LARGE1: variants seen among roughly 807,000 people sequenced by gnomAD.
The protein encoded by LARGE1 is xylosyl- and glucuronyltransferase LARGE1.
A neutral mutation model predicts 87.6 loss-of-function variants in LARGE1; 43 were observed. The ratio of observed to expected loss-of-function variants is 0.49; its 90% CI spans 0.38 to 0.63. The LOEUF is 0.63. Ranked by LOEUF, LARGE1 falls within the 30% of genes least tolerant of loss-of-function variation. The pLI is 0.00. For missense variants in LARGE1, 802 were observed against 1,000.2 expected (o/e 0.80, Z 2.67); for synonymous variants, 434 against 394.6 (o/e 1.10, Z -1.18).
intron 7 of LARGE1, among the ~76,000 whole-genome samples, chr22:33,387,533 G>GGC (rs1344497617): frequency 1.4e-5 from 2 of 148,070 alleles, no homozygotes; most frequent in African/African-American, 5.0e-5. Context: ...AATGGGGGGG[G>GGC]GGATGGTGGG....
chr22:33,353,620 T>C (rs1334591176), intron 9 of LARGE1, among the ~76,000 whole-genome samples: 2 of 152,198 alleles, frequency 1.3e-5, no homozygotes, highest in East Asian at 1.9e-4. Context: ...CGCTACGTGA[T>C]AGATTCTGTT....
chr22:33,688,758 A>G lies in LARGE1; in HGVS notation c.107-38090T>C, dbSNP rs533854363. ...CTTGGTCTCCTTTGCAAGTGGAGGG[A>G]TGGTCATAAAGCCTTCCTCCCTTGC... is the stretch of plus-strand genomic sequence containing the variant. On this transcript the variant is annotated intron_variant, in intron 2 of 14. Coordinates refer to ENST00000397394, the MANE Select transcript of LARGE1 (RefSeq NM_133642.5). Among the ~76,000 whole-genome samples, 5 of 152,112 alleles carry G rather than the reference A, an allele frequency of 3.3e-5. No homozygotes were observed. The East Asian group carries it at 9.7e-4, about 30-fold the overall frequency.
intron 3 of LARGE1, among the ~76,000 whole-genome samples, chr22:33,636,585 T>C (rs879439194): frequency 6.6e-6 from 1 of 152,170 alleles, no homozygotes; most frequent in African/African-American, 2.4e-5. Flanking sequence ...TGGAGTGCAG[T>C]GGCACAATCA....
At chr22:33,815,222 G>A (rs184184697) in intron 1 of LARGE1, among the ~76,000 whole-genome samples, 45 of 152,298 alleles carry the variant, frequency 3.0e-4, no homozygotes, top group African/African-American at 9.1e-4. Context: ...CAGGACAGTA[G>A]TGAGACCAAA....
chr22:33,260,512 G>A (rs1460229801), intron 11 of LARGE1, among the ~76,000 whole-genome samples: 2 of 152,096 alleles, frequency 1.3e-5, no homozygotes, highest in Middle Eastern at 3.2e-3. Context: ...TCACCTTCTC[G>A]ACCCATCTGG....
At chr22:33,806,475 A>G (rs2086312846) in intron 1 of LARGE1, among the ~76,000 whole-genome samples, 1 of 152,216 alleles carries the variant, frequency 6.6e-6, no homozygotes, top group African/African-American at 2.4e-5. Flanking sequence ...ACATAATCAC[A>G]TACATCAAGA....
intron 7 of LARGE1, among the ~76,000 whole-genome samples, chr22:33,423,537 G>A (rs1377379679): frequency 6.6e-6 from 1 of 151,764 alleles, no homozygotes; most frequent in Non-Finnish European, 1.5e-5. Flanking sequence ...TAAATTAGCT[G>A]GGCATGGTGG....
chr22:33,283,054 C>T lies in LARGE1; in HGVS notation c.1877+148G>A, dbSNP rs550728924. 77 of 969,176 alleles carry T rather than the reference C, an allele frequency of 7.9e-5. No homozygotes were observed. The East Asian group carries it at 1.2e-3, about 14-fold the overall frequency. 60.0% of individuals were successfully genotyped at this position (969,176 alleles called of 1,614,324 possible). ...GGGGAGAGGAGGGAGATTACAAGGA[C>T]GTTGTCTGGAGAAAGCGGTGCTTTC... On this transcript the variant is annotated intron_variant, in intron 13 of 14. Coordinates refer to ENST00000397394, the MANE Select transcript of LARGE1 (RefSeq NM_133642.5).
Position 33,277,129 on chromosome 22 carries a change from C to G in LARGE1, c.2004G>C (p.Pro668=), listed in dbSNP as rs368231947. The G allele has an allele frequency of 1.2e-6, 2 of 1,614,254 alleles. No individual in the cohort carries two copies. The highest frequency in any genetic ancestry group is 2.2e-5 in the East Asian group (1 of 44,882). ...AGCCTACAAACCTCCGGTCGTACTC[C>G]GGGCAGTCACGTCTCACAACAACAT... ...EPYVVVRRDC[P]EYDRRFVGFG... Residue 668 remains proline, a synonymous_variant, in exon 14 of 15, where the codon CCG becomes CCC. Transcript: ENST00000397394.
intron 1 of LARGE1, among the ~76,000 whole-genome samples, chr22:33,842,224 C>T (rs943051579): frequency 5.3e-5 from 8 of 152,136 alleles, no homozygotes; most frequent in African/African-American, 1.9e-4. Flanking sequence ...TTATTAAGTG[C>T]CTTCGACGCA....
At chr22:33,850,951 T>C (rs1239032567) in intron 1 of LARGE1, among the ~76,000 whole-genome samples, 1 of 152,220 alleles carries the variant, frequency 6.6e-6, no homozygotes, top group Non-Finnish European at 1.5e-5. Context: ...TGCTGAATGA[T>C]AATGACAAGG....
At chr22:33,178,225 C>T (rs1430375448) in intron 11 of LARGE1, among the ~76,000 whole-genome samples, 1 of 152,170 alleles carries the variant, frequency 6.6e-6, no homozygotes, top group Non-Finnish European at 1.5e-5. Flanking sequence ...TGAGCAGTGT[C>T]CATACACACA....
At chr22:33,254,370 G>C (rs150388036) in intron 11 of LARGE1, among the ~76,000 whole-genome samples, 232 of 152,330 alleles carry the variant, frequency 1.5e-3, no homozygotes, top group African/African-American at 5.3e-3. Context: ...TCTGACAATA[G>C]TAGGCCCATT....
At chr22:33,124,192 C>T in the LARGE1 span, among the ~76,000 whole-genome samples, 1 of 151,740 alleles carries the variant, frequency 6.6e-6, no homozygotes, top group Admixed American at 6.6e-5. Context: ...GCGGCTGAGG[C>T]AGGAGAATCA....
chr22:33,375,403 T>G (rs1316726145), intron 9 of LARGE1, among the ~76,000 whole-genome samples: 1 of 152,190 alleles, frequency 6.6e-6, no homozygotes, highest in Non-Finnish European at 1.5e-5. Context: ...CAGTGGCTCA[T>G]GTCTGTAAGC....
In LARGE1 at chr22:33,766,737, T is replaced by C. The variant is rs150912107; in HGVS notation, c.-82-5179A>G. 5.5e-3 allele frequency among the ~76,000 whole-genome samples: 832 copies of C among 151,926 alleles called. 3 individuals are homozygous for C. Among genetic ancestry groups the C allele is most frequent in the Non-Finnish European group, 8.5e-3 (581 of 67,956 alleles). On this transcript the variant is annotated intron_variant, in intron 1 of 14. Transcript: ENST00000397394. ...ACCATGCCTGGCTGATCTGTTAAGC[T>C]ACAAACACAGGATTCAAAGCTAAAT...
At chr22:33,897,504 C>A (rs375953405) in intron 1 of LARGE1, among the ~76,000 whole-genome samples, 2 of 152,156 alleles carry the variant, frequency 1.3e-5, no homozygotes, top group Admixed American at 1.3e-4. Flanking sequence ...AGGCAGAAGT[C>A]AGGACAGGGC....
chr22:33,909,132 C>T (rs913795619), intron 1 of LARGE1, among the ~76,000 whole-genome samples: 4 of 152,106 alleles, frequency 2.6e-5, no homozygotes, highest in African/African-American at 4.8e-5. Flanking sequence ...AAGGAGAAAG[C>T]GCTATTTTAA....
intron 3 of LARGE1, among the ~76,000 whole-genome samples, chr22:33,634,584 C>T (rs770023381): frequency 1.3e-5 from 2 of 149,924 alleles, no homozygotes; most frequent in East Asian, 2.0e-4. Context: ...CCACATGTCC[C>T]GAGGCCTTGG....
Sources: gnomAD v4.1 joint callset for allele counts (sites outside exome capture counted in the v4.1 genomes callset) on GRCh38, gnomAD v4.1.1 for gene constraint, MANE v1.5 for transcripts, NCBI Gene and HGNC (gene_info 2026-07-23, HGNC 2026-07-21) for gene names.